EBF3: variants seen among roughly 807,000 people sequenced by gnomAD.
The protein encoded by EBF3 is EBF transcription factor 3, also known as transcription factor COE3.
EBF3 carries 18 observed loss-of-function variants against 77.1 expected under a neutral mutation model. The ratio of observed to expected loss-of-function variants is 0.23; its 90% CI spans 0.16 to 0.35. The LOEUF (loss-of-function observed/expected upper bound fraction) is 0.35, where lower values mean the gene tolerates loss of function less well. EBF3 is among the 10% of genes least tolerant of loss of function. The probability of loss-of-function intolerance (pLI) is 1.00; values close to 1 mark genes in which losing one functional copy is unlikely to be tolerated. For synonymous variants in EBF3, 350 were observed against 343.5 expected, an observed-to-expected ratio of 1.02 and a Z score of -0.21; for missense variants, 558 against 860.0, an observed-to-expected ratio of 0.65 and a Z score of 4.39.
intron 4 of EBF3, 88 bp downstream of exon 4, chr10:129,962,083 G>A: frequency 8.2e-7 from 1 of 1,224,196 alleles, no homozygotes; most frequent in Non-Finnish European, 1.2e-6. Context: ...AAATACACGA[G>A]ATCCATTTGT....
intron 6 of EBF3, among the ~76,000 whole-genome samples, chr10:129,881,076 T>C (rs1039956181): frequency 5.3e-5 from 8 of 152,208 alleles, no homozygotes; most frequent in African/African-American, 1.7e-4. Flanking sequence ...GACAACCACT[T>C]TACATATCTC....
At chr10:129,850,041 G>T (rs568539630) in intron 10 of EBF3, among the ~76,000 whole-genome samples, 9 of 152,280 alleles carry the variant, frequency 5.9e-5, no homozygotes, top group African/African-American at 1.9e-4. Flanking sequence ...CGCGGGGCGC[G>T]TGCGCAGTCG....
intron 8 of EBF3, among the ~76,000 whole-genome samples, 157 bp downstream of exon 8, chr10:129,873,295 C>A (rs1044278745): frequency 3.3e-5 from 5 of 152,268 alleles, no homozygotes; most frequent in Non-Finnish European, 7.3e-5. Context: ...GCTGTCTCCC[C>A]TTCCACCTCG....
chr10:129,864,940 A>C lies in EBF3; in HGVS notation c.1039+2201T>G, dbSNP rs1255993238. 6.6e-6 allele frequency among the ~76,000 whole-genome samples: 1 copy of C among 152,224 alleles called. No individual in the cohort carries two copies. The highest frequency in any genetic ancestry group is 1.9e-4 in the East Asian group (1 of 5,196). ...GCCTGCCATGTGTTAGACACTGTAC[A>C]TAAGTCATCCCCGATCCTTGCCAAA... On this transcript the variant is annotated intron_variant, in intron 10 of 16. Coordinates refer to ENST00000440978, the MANE Select transcript of EBF3 (RefSeq NM_001375380.1). The surrounding 1 kb of genome is among the most constrained non-coding windows in gnomAD (Gnocchi z 4.4).
At chr10:129,931,257 T>G (rs1198674708) in intron 6 of EBF3, among the ~76,000 whole-genome samples, 1 of 152,214 alleles carries the variant, frequency 6.6e-6, no homozygotes, top group Non-Finnish European at 1.5e-5. Context: ...GAAAAGCAAT[T>G]GAGAACCCAA....
rs567132875 is a variant in EBF3, at chr10:129,842,902, C to G, written c.1194+235G>C. Among the ~76,000 whole-genome samples the G allele has an allele frequency of 1.0e-4, 15 of 147,614 alleles. No homozygotes were observed. The highest frequency in any genetic ancestry group is 3.8e-4 in the African/African-American group (15 of 39,336). On this transcript the variant is annotated intron_variant, in intron 12 of 16. Coordinates refer to ENST00000440978, the MANE Select transcript of EBF3 (RefSeq NM_001375380.1). This position sits in a 1 kb window ranked among gnomAD's most constrained non-coding sequence, Gnocchi z 4.4. ...TGCACACTGCAGATGGGTTTCAAGG[C>G]TGTGCACTCCCGCTGTGACAAGTTT... is the stretch of plus-strand genomic sequence containing the variant.
At chr10:129,962,389 G>A (rs1431564079) in intron 3 of EBF3, among the ~76,000 whole-genome samples, 163 bp from the exon 4 acceptor site, 3 of 151,858 alleles carry the variant, frequency 2.0e-5, no homozygotes, top group East Asian at 3.9e-4. Flanking sequence ...ACCACTTCTC[G>A]CTTAATTTTT....
rs1197204167 is a variant in EBF3 at position 129,863,207 on chromosome 10, A to T, written c.1039+3934T>A. Among the ~76,000 whole-genome samples, 1 of 152,182 alleles carries T rather than the reference A, an allele frequency of 6.6e-6. No homozygotes were observed. The highest frequency in any genetic ancestry group is 1.5e-5 in the Non-Finnish European group (1 of 68,044). On this transcript the variant is annotated intron_variant, in intron 10 of 16. Transcript: ENST00000440978. This position sits in a 1 kb window ranked among gnomAD's most constrained non-coding sequence, Gnocchi z 4.0. ...TCTCTCTAATTTCTGACCTTCTTACAACAGGGTGAGGCACATGGGAATACA... is the reference window on the plus strand; with the variant it reads ...TCTCTCTAATTTCTGACCTTCTTACTACAGGGTGAGGCACATGGGAATACA...
At chr10:129,867,934 G>A (rs751973332) in intron 8 of EBF3, 22 bp from the exon 9 acceptor site, 1 of 1,612,582 alleles carries the variant, frequency 6.2e-7, no homozygotes, top group Non-Finnish European at 8.5e-7. Flanking sequence ...AGACAGAGAA[G>A]GCAGACCTTA....
chr10:129,936,619 T>A lies in EBF3; in HGVS notation c.554+20639A>T, dbSNP rs74162530. ...CTCGGTCTGTGTGGGGAACCAGGGG[T>A]TATGGCAGGGGACCCTCAGCTGTGG... On this transcript the variant is annotated intron_variant, in intron 6 of 16. Transcript: ENST00000440978. 1.3e-3 allele frequency among the ~76,000 whole-genome samples: 172 copies of A among 129,828 alleles called. 1 individual carries two copies. Among genetic ancestry groups the A allele is most frequent in the African/African-American group, 5.0e-3 (166 of 32,914 alleles). 85.2% of individuals were successfully genotyped at this position (129,828 alleles called of 152,430 possible).
chr10:129,962,934 G>A lies in EBF3; in HGVS notation c.355+8C>T, dbSNP rs1372364833. 1.2e-6 allele frequency: 2 copies of A among 1,613,872 alleles called. No homozygotes were observed. The highest frequency in any genetic ancestry group is 4.5e-5 in the East Asian group (2 of 44,810). ...TGCAGGGGCGGCGAGCACGCAGCAG[G>A]CACTTACCGTTGCTGTACAATAACT... On this transcript the variant is annotated splice_region_variant and intron_variant, in intron 3 of 16. Coordinates refer to ENST00000440978, the MANE Select transcript of EBF3 (RefSeq NM_001375380.1).
intron 6 of EBF3, among the ~76,000 whole-genome samples, chr10:129,912,490 A>T (rs1274351924): frequency 1.3e-5 from 2 of 152,138 alleles, no homozygotes; most frequent in East Asian, 3.9e-4. Flanking sequence ...AACATTTTTC[A>T]TGCATTCTCG....
At position 129,863,454 on chromosome 10, in the gene EBF3, G is replaced by A. The variant is rs1851776921; in HGVS notation, c.1039+3687C>T. 1.3e-5 allele frequency among the ~76,000 whole-genome samples: 2 copies of A among 152,324 alleles called. No individual in the cohort carries two copies. The highest frequency in any genetic ancestry group is 2.9e-5 in the Non-Finnish European group (2 of 68,026). ...GTTCAGAAAAATCTGGTGTTTCTCA[G>A]ATCACTGTAAACAGATCATTGAGGC... On this transcript the variant is annotated intron_variant, in intron 10 of 16. Transcript: ENST00000440978. The surrounding 1 kb of genome is among the most constrained non-coding windows in gnomAD (Gnocchi z 4.0).
At chr10:129,883,651 C>T (rs1400823524) in intron 6 of EBF3, among the ~76,000 whole-genome samples, 2 of 151,588 alleles carry the variant, frequency 1.3e-5, no homozygotes, top group Non-Finnish European at 2.9e-5. Flanking sequence ...TTTTCAGTTA[C>T]TACTGTTTTA....
chr10:129,912,641 C>T (rs1162422926), intron 6 of EBF3, among the ~76,000 whole-genome samples: 1 of 152,154 alleles, frequency 6.6e-6, no homozygotes, highest in African/African-American at 2.4e-5. Flanking sequence ...TTCCCTGTTC[C>T]CAACTGATTT....
intron 10 of EBF3, among the ~76,000 whole-genome samples, chr10:129,849,662 AAGT>A (rs1850721727): frequency 6.6e-6 from 1 of 152,212 alleles, no homozygotes; most frequent in South Asian, 2.1e-4. Context: ...ATGCGCCCGA[AAGT>A]TGAGGACCAC....
intron 6 of EBF3, among the ~76,000 whole-genome samples, chr10:129,941,059 C>T (rs1564910184): frequency 6.6e-6 from 1 of 152,202 alleles, no homozygotes; most frequent in East Asian, 1.9e-4. Context: ...GGAGAGCCCG[C>T]CCACTCCCTG....
intron 3 of EBF3, 110 bp downstream of exon 3, chr10:129,962,832 T>C (rs1345993540): frequency 1.5e-6 from 2 of 1,300,776 alleles, no homozygotes; most frequent in African/African-American, 1.5e-5. Context: ...ATGAGAAGAT[T>C]TCGTGTTTAC....
rs1382343858 is a variant in EBF3, at chr10:129,943,457, T to C, written c.554+13801A>G. Among the ~76,000 whole-genome samples, 1 of 152,238 alleles carries C rather than the reference T, an allele frequency of 6.6e-6. No individual in the cohort carries two copies. The highest frequency in any genetic ancestry group is 1.5e-5 in the Non-Finnish European group (1 of 68,052). ...CTAAAATTTGATGTCCCTTGGGATT[T>C]GTGGTTTTCTCCATCATTATATAAC... On this transcript the variant is annotated intron_variant, in intron 6 of 16. Transcript: ENST00000440978. This position sits in a 1 kb window ranked among gnomAD's most constrained non-coding sequence, Gnocchi z 8.8.
Sources: gnomAD v4.1 joint callset for allele counts (sites outside exome capture counted in the v4.1 genomes callset) on GRCh38, gnomAD v4.1.1 for gene constraint, Gnocchi (gnomAD v3.1) non-coding constraint, MANE v1.5 for transcripts, NCBI Gene and HGNC (gene_info 2026-07-23, HGNC 2026-07-21) for gene names.